ARHGAP24: variants seen among roughly 807,000 people sequenced by gnomAD.
ARHGAP24 encodes the protein Rho GTPase activating protein 24.
Under a neutral mutation model 76.4 loss-of-function variants are expected in ARHGAP24, and 50 were observed. That is an observed-to-expected ratio of 0.65 (90% CI 0.52 to 0.83). The LOEUF is 0.83. Ranked by LOEUF, ARHGAP24 falls within the 40% of genes least tolerant of loss-of-function variation. The probability of loss-of-function intolerance (pLI) is 0.00; values close to 1 mark genes in which losing one functional copy is unlikely to be tolerated. For synonymous variants in ARHGAP24, 345 were observed against 323.3 expected (o/e 1.07, Z -0.72); for missense variants, 930 against 914.2 (o/e 1.02, Z -0.22).
At chr4:85,814,207 G>A (rs1481493560) in intron 3 of ARHGAP24, among the ~76,000 whole-genome samples, 1 of 152,028 alleles carries the variant, frequency 6.6e-6, no homozygotes, top group Non-Finnish European at 1.5e-5. Context: ...GGGATACAGA[G>A]CCAAACCATA....
chr4:85,971,453 T>G (rs1488209037), intron 5 of ARHGAP24, among the ~76,000 whole-genome samples: 1 of 152,140 alleles, frequency 6.6e-6, no homozygotes, highest in Non-Finnish European at 1.5e-5. Context: ...AATGTTCAAA[T>G]CACACTGAGG....
chr4:85,516,826 C>T lies in ARHGAP24; in HGVS notation c.-21+41267C>T, dbSNP rs548742413. Among the ~76,000 whole-genome samples, 3 of 152,160 alleles carry T rather than the reference C, an allele frequency of 2.0e-5. No individual in the cohort carries two copies. The East Asian group carries it at 5.8e-4, about 29-fold the overall frequency. ...TATGGTATGTAATTGATTGGTCTTT[C>T]CTTGGATCTGGATTATAAGTCATAG... On this transcript the variant is annotated intron_variant, in intron 1 of 9. Coordinates refer to ENST00000395184, the MANE Select transcript of ARHGAP24 (RefSeq NM_001025616.3).
In ARHGAP24 at chr4:85,572,121, T is replaced by A. The variant is rs1727163340; in HGVS notation, c.180+1400T>A. 1.3e-5 allele frequency among the ~76,000 whole-genome samples: 2 copies of A among 152,062 alleles called. 1 individual carries two copies. The highest frequency in any genetic ancestry group is 4.1e-4 in the South Asian group (2 of 4,822). On this transcript the variant is annotated intron_variant, in intron 2 of 9. Coordinates refer to ENST00000395184, the MANE Select transcript of ARHGAP24 (RefSeq NM_001025616.3). The stretch of plus-strand genomic sequence containing the variant: ...CAAGATCATAGGCAAATTAATGGAG[T>A]TTTTTTGTCTCCTATCTTACCCTCC...
At chr4:85,513,322 G>A (rs1037830125) in intron 1 of ARHGAP24, among the ~76,000 whole-genome samples, 6 of 152,198 alleles carry the variant, frequency 3.9e-5, no homozygotes, top group African/African-American at 1.2e-4. Flanking sequence ...AGGCACTGGA[G>A]GAGACAGAAA....
chr4:85,745,533 A>G (rs1725998789), intron 3 of ARHGAP24, among the ~76,000 whole-genome samples: 2 of 149,682 alleles, frequency 1.3e-5, no homozygotes, highest in East Asian at 1.9e-4. Context: ...CAAGGCTTCA[A>G]TGAGCTGTGC....
intron 5 of ARHGAP24, among the ~76,000 whole-genome samples, chr4:85,957,290 G>C (rs1267975060): frequency 6.6e-6 from 1 of 152,130 alleles, no homozygotes; most frequent in African/African-American, 2.4e-5. Flanking sequence ...TGGGGTAAAA[G>C]GGAATTTATA....
chr4:85,959,950 C>CT (rs1738149930), intron 5 of ARHGAP24, among the ~76,000 whole-genome samples: 1 of 151,942 alleles, frequency 6.6e-6, no homozygotes. Flanking sequence ...CTATTTTTTA[C>CT]TTTTTATGAG....
At chr4:85,856,957 A>G (rs1200332451) in intron 3 of ARHGAP24, among the ~76,000 whole-genome samples, 1 of 152,180 alleles carries the variant, frequency 6.6e-6, no homozygotes, top group African/African-American at 2.4e-5. Context: ...TTAACATATC[A>G]TAAACATCTC....
At chr4:85,898,430 C>G (rs916389383) in intron 3 of ARHGAP24, among the ~76,000 whole-genome samples, 1 of 152,144 alleles carries the variant, frequency 6.6e-6, no homozygotes. Flanking sequence ...TATATCCATA[C>G]TCTTCATTGA....
rs768296276 is a variant in ARHGAP24 at position 85,972,124 on chromosome 4, G to T, written c.688G>T (p.Asp230Tyr). The T allele has an allele frequency of 6.8e-6, 11 of 1,613,728 alleles. No homozygotes were observed. Among genetic ancestry groups the T allele is most frequent in the Non-Finnish European group, 9.3e-6 (11 of 1,179,988 alleles). ...AGTTATTCCTTATGCGAAGTATGAAGATTTTTTGTCATGTGCCAAACTGCT... is the reference window on the plus strand; with the variant it reads ...AGTTATTCCTTATGCGAAGTATGAATATTTTTTGTCATGTGCCAAACTGCT... The part of the protein sequence containing the change: ...EPVIPYAKYE[D>Y]FLSCAKLLSK... Residue 230 changes from aspartate (D) to tyrosine (Y), a missense_variant, in exon 6 of 10, where the codon GAT becomes TAT. Physicochemically the swap from Asp to Tyr is radical, Grantham distance 160. Coordinates refer to ENST00000395184, the MANE Select transcript of ARHGAP24 (RefSeq NM_001025616.3).
chr4:85,707,565 A>C (rs1242850661), intron 2 of ARHGAP24, among the ~76,000 whole-genome samples: 2 of 152,214 alleles, frequency 1.3e-5, no homozygotes, highest in South Asian at 4.1e-4. Context: ...GGATAAACAC[A>C]TAGGTAATAA....
chr4:85,797,102 C>G (rs1041240655), intron 3 of ARHGAP24, among the ~76,000 whole-genome samples: 1 of 152,028 alleles, frequency 6.6e-6, no homozygotes. Context: ...CTCTATCGCC[C>G]TCTACTGATG....
At position 85,757,789 on chromosome 4, in the gene ARHGAP24, C is replaced by T. The variant is rs188781310; in HGVS notation, c.268+35817C>T. Among the ~76,000 whole-genome samples the T allele has an allele frequency of 1.5e-3, 226 of 152,264 alleles. 1 individual carries two copies. Among genetic ancestry groups the T allele is most frequent in the African/African-American group, 5.3e-3 (222 of 41,552 alleles). ...TAGTTCTAGATCCTTGAGGAATCAC[C>T]ATACTGTCTTCCACAATGTCTGAAC... On this transcript the variant is annotated intron_variant, in intron 3 of 9. Transcript: ENST00000395184.
intron 2 of ARHGAP24, among the ~76,000 whole-genome samples, chr4:85,579,726 C>T (rs1443023128): frequency 6.6e-6 from 1 of 151,988 alleles, no homozygotes; most frequent in African/African-American, 2.4e-5. Context: ...TGAAATTTGG[C>T]TTTTTTCTTT....
At chr4:85,549,671 T>C (rs1453949854) in intron 1 of ARHGAP24, among the ~76,000 whole-genome samples, 1 of 152,186 alleles carries the variant, frequency 6.6e-6, no homozygotes, top group Non-Finnish European at 1.5e-5. Flanking sequence ...AAATTGCATG[T>C]TTCAGGAGTT....
chr4:85,906,540 G>T lies in ARHGAP24; in HGVS notation c.269-17108G>T, dbSNP rs186533010. 9.2e-3 allele frequency among the ~76,000 whole-genome samples: 1,400 copies of T among 152,190 alleles called. 12 individuals carry two copies. The highest frequency in any genetic ancestry group is 0.014 in the Non-Finnish European group (951 of 68,008). On this transcript the variant is annotated intron_variant, in intron 3 of 9. Coordinates refer to ENST00000395184, the MANE Select transcript of ARHGAP24 (RefSeq NM_001025616.3). ...AAATATTATTTATCTTGATTACTGA[G>T]TATTTTGGTGCTAGTTAAATTTTGT...
At chr4:85,660,807 A>AAAAAAAAAAAAAAAAAAAAAAAAC (rs1722353951) in intron 2 of ARHGAP24, among the ~76,000 whole-genome samples, 1 of 150,746 alleles carries the variant, frequency 6.6e-6, no homozygotes, top group South Asian at 2.1e-4. Flanking sequence ...AAAAAAAAAA[A>AAAAAAAAAAAAAAAAAAAAAAAAC]AAAAAAAAAA....
intron 8 of ARHGAP24, among the ~76,000 whole-genome samples, chr4:85,993,182 G>C (rs776635161): frequency 2.0e-5 from 3 of 152,148 alleles, no homozygotes; most frequent in Admixed American, 6.5e-5. Context: ...TGGGGATTCT[G>C]ATTCAGAAGC....
chr4:85,800,356 T>A (rs1728524625), intron 3 of ARHGAP24, among the ~76,000 whole-genome samples: 1 of 152,188 alleles, frequency 6.6e-6, no homozygotes, highest in Non-Finnish European at 1.5e-5. Flanking sequence ...TTCCTCCAGC[T>A]CTTTGCTCTT....
Sources: allele counts gnomAD v4.1 joint callset (sites outside exome capture counted in the v4.1 genomes callset), GRCh38; gene constraint gnomAD v4.1.1; transcripts MANE v1.5; gene names NCBI Gene and HGNC (gene_info 2026-07-23, HGNC 2026-07-21).